Variants in ROBO1 observed in about 807,000 individuals in gnomAD.
ROBO1 encodes roundabout homolog 1.
ROBO1 carries 149 observed loss-of-function variants against 195.9 expected under a neutral mutation model. The observed-to-expected ratio is 0.76, with a 90% CI of 0.67 to 0.87. The LOEUF (loss-of-function observed/expected upper bound fraction) is 0.87, where lower values mean the gene tolerates loss of function less well. ROBO1 is among the 40% of genes least tolerant of loss of function. The probability of loss-of-function intolerance (pLI) is 0.00; values close to 1 mark genes in which losing one functional copy is unlikely to be tolerated. For synonymous variants in ROBO1, 816 were observed against 733.2 expected (o/e 1.11, Z -1.82); for missense variants, 1,933 against 2,068.3 (o/e 0.93, Z 1.27).
At chr3:79,451,506 T>C (rs1470720999) in intron 2 of ROBO1, among the ~76,000 whole-genome samples, 1 of 152,090 alleles carries the variant, frequency 6.6e-6, no homozygotes, top group Non-Finnish European at 1.5e-5. Flanking sequence ...TATAAAGCAC[T>C]CTGGTAATAA....
At chr3:78,992,629 T>C (rs1186274474) in intron 3 of ROBO1, among the ~76,000 whole-genome samples, 8 of 152,162 alleles carry the variant, frequency 5.3e-5, no homozygotes, top group Non-Finnish European at 7.4e-5. Flanking sequence ...TGTGGCTTGC[T>C]AGTAAAAGCT....
chr3:79,192,186 C>A (rs1191890986), intron 2 of ROBO1, among the ~76,000 whole-genome samples: 1 of 151,580 alleles, frequency 6.6e-6, no homozygotes, highest in Non-Finnish European at 1.5e-5. Flanking sequence ...AATCTTTATG[C>A]TGCTAAATGG....
intron 2 of ROBO1, among the ~76,000 whole-genome samples, chr3:79,244,846 C>A (rs945949609): frequency 6.6e-6 from 1 of 151,774 alleles, no homozygotes; most frequent in African/African-American, 2.4e-5. Context: ...CTGTTTTTTT[C>A]TTTGTTTGAA....
intron 21 of ROBO1, among the ~76,000 whole-genome samples, chr3:78,642,448 A>G (rs934547908): frequency 6.6e-6 from 1 of 152,172 alleles, no homozygotes; most frequent in Non-Finnish European, 1.5e-5. Context: ...ATGAGCTATA[A>G]AGCCAAGGGC....
At chr3:79,416,048 G>T (rs1187093573) in intron 2 of ROBO1, among the ~76,000 whole-genome samples, 1 of 151,420 alleles carries the variant, frequency 6.6e-6, no homozygotes, top group Non-Finnish European at 1.5e-5. Context: ...AATGATGAGT[G>T]TTGGGTCAGA....
At chr3:78,724,299 A>C (rs1363581184) in intron 5 of ROBO1, among the ~76,000 whole-genome samples, 1 of 152,086 alleles carries the variant, frequency 6.6e-6, no homozygotes, top group Admixed American at 6.6e-5. Context: ...CATTTCAATA[A>C]ACAAAAGAAC....
At chr3:78,995,615 C>A (rs186245680) in intron 3 of ROBO1, among the ~76,000 whole-genome samples, 31 of 151,830 alleles carry the variant, frequency 2.0e-4, no homozygotes, top group African/African-American at 7.2e-4. Flanking sequence ...TTAAAAAATT[C>A]TAGGTCTGAA....
intron 2 of ROBO1, among the ~76,000 whole-genome samples, chr3:79,248,565 T>C (rs1383930504): frequency 1.3e-5 from 2 of 151,970 alleles, no homozygotes; most frequent in African/African-American, 2.4e-5. Flanking sequence ...TATTGAAAGG[T>C]TTTTTAAAAA....
At chr3:78,694,579 G>C (rs144523594) in intron 8 of ROBO1, among the ~76,000 whole-genome samples, 4 of 152,188 alleles carry the variant, frequency 2.6e-5, no homozygotes, top group African/African-American at 9.6e-5. Flanking sequence ...ACTCACTCAA[G>C]TTAGAAAAGT....
chr3:78,813,169 C>A (rs191338509), intron 4 of ROBO1, among the ~76,000 whole-genome samples: 1 of 151,866 alleles, frequency 6.6e-6, no homozygotes, highest in African/African-American at 2.4e-5. Context: ...CACAATTTAG[C>A]CAATATTCAA....
chr3:78,838,700 C>A (rs1007164461), intron 4 of ROBO1, among the ~76,000 whole-genome samples: 7 of 151,450 alleles, frequency 4.6e-5, no homozygotes, highest in African/African-American at 1.7e-4. Context: ...GAGGGAAGCA[C>A]CCCCGCCCTA....
intron 3 of ROBO1, among the ~76,000 whole-genome samples, chr3:79,054,242 T>A (rs1475833078): frequency 6.6e-6 from 1 of 152,136 alleles, no homozygotes. Context: ...CAAAGGTGTG[T>A]ATGAGAGCTT....
intron 2 of ROBO1, among the ~76,000 whole-genome samples, chr3:79,517,258 G>A (rs1940989434): frequency 6.6e-6 from 1 of 152,142 alleles, no homozygotes; most frequent in Non-Finnish European, 1.5e-5. Flanking sequence ...CATAGTTAAT[G>A]CTTCAAGTTA....
At chr3:79,507,650 C>T (rs1211566256) in intron 2 of ROBO1, among the ~76,000 whole-genome samples, 3 of 152,096 alleles carry the variant, frequency 2.0e-5, no homozygotes, top group Non-Finnish European at 4.4e-5. Context: ...CCACATTTTA[C>T]TTGGAAACAA....
chr3:78,736,866 T>G (rs2082404342), intron 5 of ROBO1, among the ~76,000 whole-genome samples: 1 of 152,160 alleles, frequency 6.6e-6, no homozygotes, highest in African/African-American at 2.4e-5. Context: ...AAATTGCAAG[T>G]GTGTGGAAAG....
At chr3:79,378,058 A>G (rs1476200616) in intron 2 of ROBO1, among the ~76,000 whole-genome samples, 3 of 151,730 alleles carry the variant, frequency 2.0e-5, no homozygotes, top group Non-Finnish European at 4.4e-5. Flanking sequence ...AACCTCCAAT[A>G]TATATATACT....
chr3:79,508,559 T>C (rs769053251), intron 2 of ROBO1, among the ~76,000 whole-genome samples: 5 of 152,196 alleles, frequency 3.3e-5, no homozygotes, highest in Non-Finnish European at 7.3e-5. Flanking sequence ...ATTAACACTT[T>C]TTTATTGCTT....
intron 4 of ROBO1, among the ~76,000 whole-genome samples, chr3:78,855,660 T>C (rs1475180319): frequency 6.6e-6 from 1 of 152,204 alleles, no homozygotes; most frequent in Non-Finnish European, 1.5e-5. Flanking sequence ...TCAGACTTCA[T>C]GCTGTATCCT....
chr3:79,553,747 AT>A (rs1942604464), intron 2 of ROBO1, among the ~76,000 whole-genome samples: 1 of 152,118 alleles, frequency 6.6e-6, no homozygotes, highest in African/African-American at 2.4e-5. Context: ...AATACTGATA[AT>A]TGCTCTTTCA....
Sources: gnomAD v4.1 joint callset for allele counts (sites outside exome capture counted in the v4.1 genomes callset) on GRCh38, gnomAD v4.1.1 for gene constraint, MANE v1.5 for transcripts, NCBI Gene and HGNC (gene_info 2026-07-23, HGNC 2026-07-21) for gene names.